The following SIK2 variants were observed in gnomAD, a reference collection of about 807,000 sequenced individuals.
The protein encoded by SIK2 is salt inducible kinase 2.
Under a neutral mutation model 103.2 loss-of-function variants are expected in SIK2, and 29 were observed. The observed-to-expected ratio is 0.28, with a 90% CI of 0.21 to 0.38. The LOEUF (loss-of-function observed/expected upper bound fraction) is 0.38. Among genes scored for constraint, SIK2 ranks in the 10% least tolerant of loss-of-function variants. SIK2 has a pLI of 1.00. For synonymous variants in SIK2, 412 were observed against 446.1 expected, an observed-to-expected ratio of 0.92 and a Z score of 0.96; for missense variants, 879 against 1,171.0, an observed-to-expected ratio of 0.75 and a Z score of 3.64.
At chr11:111,651,395 G>C (rs1444196571) in intron 3 of SIK2, among the ~76,000 whole-genome samples, 1 of 152,148 alleles carries the variant, frequency 6.6e-6, no homozygotes, top group Non-Finnish European at 1.5e-5. Flanking sequence ...CATGGGTGAA[G>C]CTGGAAGCCA....
intron 2 of SIK2, among the ~76,000 whole-genome samples, chr11:111,619,473 A>G (rs1238458030): frequency 6.6e-6 from 1 of 152,114 alleles, no homozygotes; most frequent in African/African-American, 2.4e-5. Flanking sequence ...CCTCCCAAGT[A>G]GCTGGGATCA....
chr11:111,612,541 T>G (rs1288696495), intron 1 of SIK2, among the ~76,000 whole-genome samples: 2 of 152,100 alleles, frequency 1.3e-5, no homozygotes, highest in African/African-American at 2.4e-5. Context: ...TATGCGGAGT[T>G]CTAACTAATG....
rs10789843 is a variant in SIK2, at chr11:111,705,434, C to T, written c.1101+295C>T. ...ACAAATTTTTATTACAGATTTACCA[C>T]GTGCGAGCTTCTATTCTTAGGCACT... On this transcript the variant is annotated intron_variant, in intron 8 of 14. Coordinates refer to ENST00000304987, the MANE Select transcript of SIK2 (RefSeq NM_015191.3). The surrounding 1 kb of genome is among the most constrained non-coding windows in gnomAD (Gnocchi z 4.3). Among the ~76,000 whole-genome samples, 36,279 of 152,130 alleles carry T rather than the reference C, an allele frequency of 0.24. 4,585 individuals carry two copies. The highest frequency in any genetic ancestry group is 0.32 in the Middle Eastern group (94 of 294).
At chr11:111,683,966 T>A (rs909909338) in intron 3 of SIK2, among the ~76,000 whole-genome samples, 22 of 152,144 alleles carry the variant, frequency 1.4e-4, no homozygotes, top group African/African-American at 5.3e-4. Context: ...ACTGCAGAAA[T>A]CATAAAGCAT....
intron 3 of SIK2, among the ~76,000 whole-genome samples, chr11:111,629,105 T>C (rs1942004348): frequency 6.6e-6 from 1 of 152,156 alleles, no homozygotes; most frequent in African/African-American, 2.4e-5. Flanking sequence ...AGAGGCTGAA[T>C]GTTTGGGTTA....
intron 3 of SIK2, among the ~76,000 whole-genome samples, chr11:111,640,909 T>C (rs12223334): frequency 6.6e-6 from 1 of 151,936 alleles, no homozygotes; most frequent in African/African-American, 2.4e-5. Context: ...TAATTTTTTG[T>C]ATTTTTAGTA....
chr11:111,612,692 A>G (rs1475345270), intron 1 of SIK2, among the ~76,000 whole-genome samples: 1 of 152,146 alleles, frequency 6.6e-6, no homozygotes, highest in Non-Finnish European at 1.5e-5. Context: ...CACATTAAAG[A>G]TATTAAAGCC....
At chr11:111,613,717 ACAC>A (rs1431125434) in intron 1 of SIK2, among the ~76,000 whole-genome samples, 1 of 152,172 alleles carries the variant, frequency 6.6e-6, no homozygotes, top group Non-Finnish European at 1.5e-5. Context: ...AATAATTAAA[ACAC>A]CACCAAACAT....
chr11:111,614,075 C>G (rs1251752130), intron 1 of SIK2, among the ~76,000 whole-genome samples: 5 of 136,754 alleles, frequency 3.7e-5, no homozygotes, highest in Non-Finnish European at 7.8e-5. Context: ...AACTTTTTGA[C>G]TCTCCCCCCA....
In SIK2 at chr11:111,724,048, C is replaced by T. The variant is rs1483320031; in HGVS notation, c.2700C>T (p.Leu900=). 2.5e-6 allele frequency: 4 copies of T among 1,614,060 alleles called. No homozygotes were observed. The Admixed American group carries it at 6.7e-5, about 27-fold the overall frequency. Residue 900 remains leucine (L), a synonymous_variant, in exon 15 of 15, where the codon CTC becomes CTT. Transcript: ENST00000304987. ...CCTCCAGCTACGACCCACTAGCCCT[C>T]TCTGAGCTACCTGGACTCTTTGATT... ...EAPSSYDPLA[L]SELPGLFDCE...
intron 3 of SIK2, among the ~76,000 whole-genome samples, chr11:111,679,064 T>G (rs1942744600): frequency 6.6e-6 from 1 of 152,220 alleles, no homozygotes; most frequent in African/African-American, 2.4e-5. Flanking sequence ...TCTTCCTAAG[T>G]AGAAAGAAAT....
chr11:111,616,653 A>G (rs957887211), intron 2 of SIK2, among the ~76,000 whole-genome samples: 9 of 152,140 alleles, frequency 5.9e-5, no homozygotes, highest in Non-Finnish European at 1.3e-4. Flanking sequence ...CCTGGGCAAC[A>G]TGGTGAAACC....
intron 3 of SIK2, among the ~76,000 whole-genome samples, chr11:111,632,733 T>C (rs1942055684): frequency 6.6e-6 from 1 of 152,142 alleles, no homozygotes; most frequent in Non-Finnish European, 1.5e-5. Context: ...TCTGCTGATT[T>C]TGCACATTTC....
At chr11:111,652,538 A>C (rs1427308360) in intron 3 of SIK2, among the ~76,000 whole-genome samples, 1 of 152,210 alleles carries the variant, frequency 6.6e-6, no homozygotes, top group East Asian at 1.9e-4. Context: ...TGTGAATGAG[A>C]GTAACTTGAA....
chr11:111,652,210 A>AAACACATAGAACTTC (rs1284160872), intron 3 of SIK2, among the ~76,000 whole-genome samples: 2 of 152,228 alleles, frequency 1.3e-5, no homozygotes, highest in African/African-American at 4.8e-5. Context: ...AGATAACAAA[A>AAACACATAGAACTTC]AACACATAGA....
chr11:111,658,175 G>C (rs541955779), intron 3 of SIK2, among the ~76,000 whole-genome samples: 1 of 150,034 alleles, frequency 6.7e-6, no homozygotes, highest in South Asian at 2.1e-4. Flanking sequence ...ACCCAGGCTG[G>C]AGTGCAGTGG....
At chr11:111,706,172 C>CTGTGAAATAGTTAATATT (rs1459086315) in intron 8 of SIK2, among the ~76,000 whole-genome samples, 1 of 152,200 alleles carries the variant, frequency 6.6e-6, no homozygotes, top group East Asian at 1.9e-4. Flanking sequence ...TAGTTAATAT[C>CTGTGAAATAGTTAATATT]TGTGAAATAG....
At position 111,701,455 on chromosome 11, in the gene SIK2, A is replaced by G. The variant is rs1473731517; in HGVS notation, c.607A>G (p.Met203Val). 1 of 1,613,522 alleles carries G rather than the reference A, an allele frequency of 6.2e-7. No individual in the cohort carries two copies. The highest frequency in any genetic ancestry group is 8.5e-7 in the Non-Finnish European group (1 of 1,179,642). ...TCTGCATTGTTTTCTTCCCTAGAGTATGGGAGTTGTTCTTTATGTCCTTGT... is the reference window on the plus strand; with the variant it reads ...TCTGCATTGTTTTCTTCCCTAGAGTGTGGGAGTTGTTCTTTATGTCCTTGT... ...YEGPQLDIWS[M>V]GVVLYVLVCG... Residue 203 changes from methionine (M) to valine (V), a missense_variant, in exon 6 of 15, where the codon ATG (methionine) becomes GTG (valine). By Grantham distance (21) the Met-to-Val change is conservative. Around this residue, in one of 7 missense-constraint regions of SIK2, gnomAD observed 126 missense variants for 245.5 expected, o/e 0.51. Transcript: ENST00000304987. The surrounding 1 kb of genome is among the most constrained non-coding windows in gnomAD (Gnocchi z 4.2).
intron 2 of SIK2, among the ~76,000 whole-genome samples, chr11:111,620,023 A>G (rs1941861504): frequency 6.6e-6 from 1 of 152,234 alleles, no homozygotes; most frequent in Non-Finnish European, 1.5e-5. Flanking sequence ...CATAAAAATC[A>G]CTTGGCAGTT....
Sources: gnomAD v4.1 joint callset for allele counts (sites outside exome capture counted in the v4.1 genomes callset) on GRCh38, gnomAD v4.1.1 for gene constraint, gnomAD v4.1.1 regional missense constraint, Gnocchi (gnomAD v3.1) non-coding constraint, MANE v1.5 for transcripts, NCBI Gene and HGNC (gene_info 2026-07-23, HGNC 2026-07-21) for gene names.